Variants in PDE3A observed in about 807,000 individuals in gnomAD.
The protein encoded by PDE3A is phosphodiesterase 3A, also known as cGMP-inhibited 3',5'-cyclic phosphodiesterase 3A.
A neutral mutation model predicts 98.3 loss-of-function variants in PDE3A; 43 were observed. The observed-to-expected ratio is 0.44, with a 90% confidence interval of 0.34 to 0.56. The LOEUF is 0.56. Among genes scored for constraint, PDE3A ranks in the 20% least tolerant of loss-of-function variants. The pLI is 0.01. For synonymous variants in PDE3A, 663 were observed against 567.9 expected, an observed-to-expected ratio of 1.17 and a Z score of -2.38; for missense variants, 1,427 against 1,440.7, an observed-to-expected ratio of 0.99 and a Z score of 0.15.
chr12:20,556,574 C>A (rs2121271163), intron 1 of PDE3A, 86 bp from the exon 2 acceptor site: 1 of 871,242 alleles, frequency 1.1e-6, no homozygotes, highest in Non-Finnish European at 1.9e-6. Context: ...AAGATTGGAA[C>A]AACCTGATTA....
chr12:20,649,183 G>A (rs536745004), intron 13 of PDE3A, among the ~76,000 whole-genome samples: 5 of 151,718 alleles, frequency 3.3e-5, no homozygotes, highest in South Asian at 2.1e-4. Flanking sequence ...CACCCGCCTC[G>A]GCCTCCCAAA....
intron 15 of PDE3A, among the ~76,000 whole-genome samples, chr12:20,663,150 A>T (rs570730375): frequency 3.4e-4 from 51 of 152,184 alleles, no homozygotes; most frequent in Non-Finnish European, 6.6e-4. Flanking sequence ...AGAAGACAGA[A>T]ATTGAGGTCT....
At chr12:20,529,946 T>A (rs1280532851) in intron 1 of PDE3A, among the ~76,000 whole-genome samples, 1 of 152,204 alleles carries the variant, frequency 6.6e-6, no homozygotes, top group Non-Finnish European at 1.5e-5. Context: ...TAAAACTTTT[T>A]AATTTCTTTT....
At chr12:20,463,617 T>C (rs985583093) in intron 1 of PDE3A, among the ~76,000 whole-genome samples, 5 of 152,180 alleles carry the variant, frequency 3.3e-5, no homozygotes, top group Non-Finnish European at 7.3e-5. Flanking sequence ...CAAGGATGTA[T>C]AGCTGCAAAT....
chr12:20,628,124 TA>T (rs1944308313), intron 5 of PDE3A, among the ~76,000 whole-genome samples: 1 of 152,206 alleles, frequency 6.6e-6, no homozygotes, highest in Admixed American at 6.5e-5. Context: ...CTATTAGAGA[TA>T]ATATTAAAAA....
Position 20,686,153 on chromosome 12 carries a change from A to G in PDE3A, c.*5882A>G, listed in dbSNP as rs1404363908. Among the ~76,000 whole-genome samples, 1 of 152,102 alleles carries G rather than the reference A, an allele frequency of 6.6e-6. No individual in the cohort carries two copies. The highest frequency in any genetic ancestry group is 2.4e-5 in the African/African-American group (1 of 41,428). ...GAAAGAAGGTTTAATTCTTTTTCTA[A>G]TATTCTACAAGCCTCATGGGGAAAA... is the stretch of plus-strand genomic sequence containing the variant. On this transcript the variant is annotated 3_prime_UTR_variant, in exon 16 of 16. Transcript: ENST00000359062.
chr12:20,627,400 C>T (rs965446136), intron 5 of PDE3A, among the ~76,000 whole-genome samples: 7 of 145,044 alleles, frequency 4.8e-5, no homozygotes, highest in South Asian at 2.2e-4. Flanking sequence ...TCTCTGACCA[C>T]GTTCCCTGCC....
At chr12:20,378,049 GTGTCTGTAAAGGGCT>G (rs1374050035) in intron 1 of PDE3A, among the ~76,000 whole-genome samples, 3 of 151,712 alleles carry the variant, frequency 2.0e-5, no homozygotes, top group Non-Finnish European at 4.4e-5. Flanking sequence ...AATTGTAACA[GTGTCTGTAAAGGGCT>G]AACTTTTCAC....
intron 1 of PDE3A, among the ~76,000 whole-genome samples, chr12:20,394,071 A>G (rs1943965810): frequency 6.6e-6 from 1 of 152,128 alleles, no homozygotes; most frequent in Non-Finnish European, 1.5e-5. Context: ...ACTTTCCTGT[A>G]CAAAGTTCCT....
At position 20,399,092 on chromosome 12, in the gene PDE3A, C is replaced by T. The variant is rs568760177; in HGVS notation, c.960+28848C>T. ...ATGATGTTTGTCCTTTTATGACTGG[C>T]TTAGTTTACTTGGCATAATGTCTTC... is the stretch of plus-strand genomic sequence containing the variant. On this transcript the variant is annotated intron_variant, in intron 1 of 15. Transcript: ENST00000359062. 4.6e-5 allele frequency among the ~76,000 whole-genome samples: 7 copies of T among 152,204 alleles called. 1 individual carries two copies. The highest frequency in any genetic ancestry group is 1.7e-4 in the African/African-American group (7 of 41,534).
chr12:20,628,797 C>T (rs1482555837), intron 5 of PDE3A, among the ~76,000 whole-genome samples: 2 of 152,122 alleles, frequency 1.3e-5, no homozygotes, highest in Non-Finnish European at 2.9e-5. Context: ...CACACGAACA[C>T]ACAAAATCGT....
intron 1 of PDE3A, among the ~76,000 whole-genome samples, chr12:20,506,728 T>G (rs988949958): frequency 6.6e-6 from 1 of 151,996 alleles, no homozygotes; most frequent in African/African-American, 2.4e-5. Flanking sequence ...ATAAGAGAAG[T>G]AACATGAAAC....
At chr12:20,669,391 T>C (rs1482065090) in intron 15 of PDE3A, among the ~76,000 whole-genome samples, 2 of 151,396 alleles carry the variant, frequency 1.3e-5, no homozygotes, top group Non-Finnish European at 1.5e-5. Context: ...CCAAGACACA[T>C]AATTGTCAGA....
At chr12:20,535,808 A>C in intron 1 of PDE3A, among the ~76,000 whole-genome samples, 1 of 151,024 alleles carries the variant, frequency 6.6e-6, no homozygotes, top group South Asian at 2.1e-4. Flanking sequence ...TCAAAACATT[A>C]ATTATTTGGA....
At chr12:20,531,115 C>G (rs904977440) in intron 1 of PDE3A, among the ~76,000 whole-genome samples, 1 of 152,160 alleles carries the variant, frequency 6.6e-6, no homozygotes, top group African/African-American at 2.4e-5. Context: ...TTAGCTTCAT[C>G]CCTCTTAGAA....
chr12:20,552,973 C>T lies in PDE3A; in HGVS notation c.961-3687C>T. 2.5e-6 allele frequency: 4 copies of T among 1,576,396 alleles called. No individual in the cohort carries two copies. The highest frequency in any genetic ancestry group is 2.6e-6 in the Non-Finnish European group (3 of 1,160,102). ...GGTGAACCAGCCTCTGCAGACCGTC[C>T]TCAACCAGCTCTTCCCCGGCTACGG... On this transcript the variant is annotated intron_variant, in intron 1 of 15. Coordinates refer to ENST00000359062, the MANE Select transcript of PDE3A (RefSeq NM_000921.5). The surrounding 1 kb of genome is among the most constrained non-coding windows in gnomAD (Gnocchi z 5.1).
chr12:20,593,950 GCT>G (rs1943403083), intron 2 of PDE3A, among the ~76,000 whole-genome samples: 1 of 152,060 alleles, frequency 6.6e-6, no homozygotes, highest in Non-Finnish European at 1.5e-5. Context: ...CTGGAAAAAA[GCT>G]AGGCCAGAAG....
At chr12:20,451,117 T>C (rs1004630485) in intron 1 of PDE3A, among the ~76,000 whole-genome samples, 1 of 152,214 alleles carries the variant, frequency 6.6e-6, no homozygotes. Context: ...TTTGGAAATA[T>C]GCCTTGATCA....
At chr12:20,582,289 G>A (rs2121347165) in intron 2 of PDE3A, among the ~76,000 whole-genome samples, 1 of 152,128 alleles carries the variant, frequency 6.6e-6, no homozygotes, top group Admixed American at 6.5e-5. Context: ...TGCCTCCAGG[G>A]TTCAAGTATT....
Sources: allele counts gnomAD v4.1 joint callset (sites outside exome capture counted in the v4.1 genomes callset), GRCh38; gene constraint gnomAD v4.1.1; non-coding constraint Gnocchi (gnomAD v3.1); transcripts MANE v1.5; gene names NCBI Gene and HGNC (gene_info 2026-07-23, HGNC 2026-07-21).